Variants in TRMT9B observed in about 807,000 individuals in gnomAD.
TRMT9B encodes probable tRNA methyltransferase 9B.
Under a neutral mutation model 11.5 loss-of-function variants are expected in TRMT9B, and 16 were observed. The observed-to-expected ratio is 1.39, with a 90% confidence interval of 0.94 to 2.11. TRMT9B has a LOEUF of 2.11. Ranked by LOEUF, TRMT9B falls within the 30% of genes most tolerant of loss-of-function variation. TRMT9B has a pLI of 0.00. For missense variants in TRMT9B, 941 were observed against 553.8 expected, an observed-to-expected ratio of 1.70 and a Z score of -7.02; for synonymous variants, 274 against 192.4, an observed-to-expected ratio of 1.42 and a Z score of -3.51.
intron 1 of TRMT9B, among the ~76,000 whole-genome samples, chr8:12,947,210 A>G (rs889401128): frequency 3.9e-5 from 6 of 152,166 alleles, no homozygotes; most frequent in Non-Finnish European, 8.8e-5. Context: ...TTGTTGGAAT[A>G]TTTTGTCTCC....
chr8:12,965,601 G>C (rs535872449), intron 1 of TRMT9B, among the ~76,000 whole-genome samples: 2 of 151,250 alleles, frequency 1.3e-5, no homozygotes, highest in African/African-American at 2.5e-5. Flanking sequence ...ATCCCAAAAG[G>C]CTTAGTTGTC....
At chr8:13,006,088 A>G in intron 2 of TRMT9B, 114 bp from the exon 3 acceptor site, 1 of 949,352 alleles carries the variant, frequency 1.1e-6, no homozygotes. Context: ...AAGTGTGCAA[A>G]CAGCATGAGT....
In TRMT9B at chr8:13,018,396, C is replaced by CA. The variant is rs33990997; in HGVS notation, c.329-2599dup. Among the ~76,000 whole-genome samples, 952 of 133,842 alleles carry CA rather than the reference C, an allele frequency of 7.1e-3. 17 individuals are homozygous for CA. Among genetic ancestry groups the CA allele is most frequent in the African/African-American group, 0.02 (716 of 35,508 alleles). 87.8% of individuals were successfully genotyped at this position (133,842 alleles called of 152,430 possible). On this transcript the variant is annotated intron_variant, in intron 4 of 4. Coordinates refer to ENST00000524591, the MANE Select transcript of TRMT9B (RefSeq NM_020844.3). ...TGGGTGACAGAGCAAGACCCTGTCT[C>CA]AAAAAAAAAAAAACGACAACAAAGA...
intron 1 of TRMT9B, chr8:12,951,990 C>G (rs987381731): frequency 1.2e-5 from 2 of 160,468 alleles, no homozygotes; most frequent in East Asian, 2.0e-4. Context: ...CACGCGCGCA[C>G]CCTGCCGCCC....
chr8:12,971,707 A>C (rs1330600721), intron 1 of TRMT9B, among the ~76,000 whole-genome samples: 1 of 152,224 alleles, frequency 6.6e-6, no homozygotes, highest in Non-Finnish European at 1.5e-5. Context: ...TATTGCTAAA[A>C]ATTTCAGAAA....
rs1230685343 is a variant in TRMT9B, at chr8:13,026,193, G to C, written c.*4149G>C. ...GAAAAACAAATTAGGGCAGGCCTCA[G>C]CATCTCTTTCCTATTACATAGAAAA... On this transcript the variant is annotated 3_prime_UTR_variant, in exon 5 of 5. Transcript: ENST00000524591. 6.0e-6 allele frequency: 1 copy of C among 167,076 alleles called. No homozygotes were observed. The highest frequency in any genetic ancestry group is 2.4e-5 in the African/African-American group (1 of 41,450). 10.3% of individuals were successfully genotyped at this position (167,076 alleles called of 1,614,324 possible).
intron 3 of TRMT9B, chr8:13,012,137 T>G (rs995429727): frequency 1.0e-6 from 1 of 985,672 alleles, no homozygotes. Flanking sequence ...GGACATCACC[T>G]CATTAAATAT....
At chr8:12,990,797 G>C (rs1375652096) in intron 1 of TRMT9B, 37 bp from the exon 2 acceptor site, 2 of 1,261,956 alleles carry the variant, frequency 1.6e-6, no homozygotes, top group Non-Finnish European at 2.1e-6. Flanking sequence ...TACATACCAT[G>C]TGAAATGACA....
intron 1 of TRMT9B, among the ~76,000 whole-genome samples, chr8:12,955,002 A>G (rs1458727274): frequency 1.3e-5 from 2 of 152,210 alleles, no homozygotes; most frequent in Non-Finnish European, 2.9e-5. Context: ...CACAGTTGGC[A>G]CATTGTGAGC....
intron 1 of TRMT9B, among the ~76,000 whole-genome samples, chr8:12,985,054 A>G (rs1806046632): frequency 1.3e-5 from 2 of 151,910 alleles, no homozygotes; most frequent in Non-Finnish European, 2.9e-5. Context: ...TTTGGGGGCT[A>G]ATATCCTACT....
Position 13,006,211 on chromosome 8 carries a change from T to C in TRMT9B, c.9T>C (p.His3=), listed in dbSNP as rs756150191. Residue 3 remains histidine, a synonymous_variant, in exon 3 of 5, where the codon CAT becomes CAC. Coordinates refer to ENST00000524591, the MANE Select transcript of TRMT9B (RefSeq NM_020844.3). The stretch of plus-strand genomic sequence containing the variant: ...GTCCTGTTTTCTCCAGGATGGATCA[T>C]GAAGCCGCCCAGCTGGAGAAGCAGC... MD[H]EAAQLEKQHV... is the part of the protein sequence containing the mutation. The C allele has an allele frequency of 6.2e-7, 1 of 1,613,920 alleles. No individual in the cohort carries two copies. Among genetic ancestry groups the C allele is most frequent in the Non-Finnish European group, 8.5e-7 (1 of 1,179,850 alleles).
intron 1 of TRMT9B, among the ~76,000 whole-genome samples, chr8:12,983,355 CTG>C (rs1428671474): frequency 2.6e-5 from 4 of 152,014 alleles, no homozygotes; most frequent in Non-Finnish European, 5.9e-5. Context: ...GCAGGTGACT[CTG>C]GAGGAAATAT....
At chr8:12,975,702 C>A (rs1585161612) in intron 1 of TRMT9B, among the ~76,000 whole-genome samples, 1 of 151,968 alleles carries the variant, frequency 6.6e-6, no homozygotes, top group Non-Finnish European at 1.5e-5. Flanking sequence ...GGTGCCACTG[C>A]ACTCCAGTGT....
rs1814287890 is a variant in TRMT9B, at chr8:13,023,634, CA to C, written c.*1591del. 1 of 167,006 alleles carries C rather than the reference CA, an allele frequency of 6.0e-6. No individual in the cohort carries two copies. The highest frequency in any genetic ancestry group is 6.5e-5 in the Admixed American group (1 of 15,274). The allele number at this position is 167,006 out of a possible 1,614,324, so 10.3% of individuals were successfully genotyped here. A position where few individuals can be genotyped will look rare whatever the true frequency, so the allele number is the denominator to read the frequency against. On this transcript the variant is annotated 3_prime_UTR_variant, in exon 5 of 5. Transcript: ENST00000524591. The stretch of plus-strand genomic sequence containing the variant: ...CCCAGGAGTACAGTCTCAAGTAGTT[CA>C]TTAATGAGAAAATTGACATCTGACA...
At chr8:12,965,936 C>T (rs1410982646) in intron 1 of TRMT9B, among the ~76,000 whole-genome samples, 1 of 151,770 alleles carries the variant, frequency 6.6e-6, no homozygotes, top group Non-Finnish European at 1.5e-5. Context: ...CCACTTGAAC[C>T]TGGGAGGCGG....
rs376890488 is a variant in TRMT9B, at chr8:13,021,974, G to A, written c.1295G>A (p.Arg432His). ...SLLKENVSEL[R>H]ILSSGNDHGN... ...CTCAAGGAGAATGTGTCAGAGCTCC[G>A]TATCCTGAGTTCTGGGAATGATCAT... The change falls in exon 5 of 5, where the codon CGT becomes CAT. Residue 432 changes from arginine to histidine, a missense_variant. Arg to His is a conservative substitution (Grantham distance 29). Coordinates refer to ENST00000524591, the MANE Select transcript of TRMT9B (RefSeq NM_020844.3). 1.4e-4 allele frequency: 228 copies of A among 1,612,998 alleles called. No individual in the cohort carries two copies. The highest frequency in any genetic ancestry group is 6.8e-4 in the African/African-American group (51 of 74,882).
At chr8:13,015,934 C>A (rs148451033) in intron 4 of TRMT9B, among the ~76,000 whole-genome samples, 2 of 151,796 alleles carry the variant, frequency 1.3e-5, no homozygotes, top group African/African-American at 4.8e-5. Flanking sequence ...ATTTTCAGTT[C>A]GAGTTCACAT....
chr8:12,975,132 A>G (rs1192830541), intron 1 of TRMT9B, among the ~76,000 whole-genome samples: 1 of 152,108 alleles, frequency 6.6e-6, no homozygotes, highest in Non-Finnish European at 1.5e-5. Flanking sequence ...TTAATTGTCC[A>G]GAACATAGGA....
chr8:12,952,395 C>T (rs74731910), intron 1 of TRMT9B: 2 of 306,754 alleles, frequency 6.5e-6, no homozygotes, highest in Admixed American at 4.4e-5. Flanking sequence ...TCCAGTAGCC[C>T]GGGGTGGCTG....
Sources: gnomAD v4.1 joint callset for allele counts (sites outside exome capture counted in the v4.1 genomes callset) on GRCh38, gnomAD v4.1.1 for gene constraint, MANE v1.5 for transcripts, NCBI Gene and HGNC (gene_info 2026-07-23, HGNC 2026-07-21) for gene names.